PSMA1: variants seen among roughly 807,000 people sequenced by gnomAD.
PSMA1 encodes proteasome subunit alpha type-1.
PSMA1 carries 3 observed loss-of-function variants against 38.4 expected under a neutral mutation model. That is an observed-to-expected ratio of 0.08 (90% CI 0.04 to 0.20). PSMA1 has a LOEUF of 0.20. Among genes scored for constraint, PSMA1 ranks in the 10% least tolerant of loss-of-function variants. The probability of loss-of-function intolerance (pLI) is 1.00; values close to 1 mark genes in which losing one functional copy is unlikely to be tolerated. For missense variants in PSMA1, 227 were observed against 325.3 expected (o/e 0.70, Z 2.32); for synonymous variants, 101 against 107.1 (o/e 0.94, Z 0.35).
At position 14,624,359 on chromosome 11, in the gene PSMA1, G is replaced by A. The variant is rs571118441; in HGVS notation, c.-165-13208C>T. ...GGATGCTGTTGCAACTGTGGTAGAT[G>A]ACATGGGGATCTGAGCTAACTCAGA... On this transcript the variant is annotated intron_variant, in intron 1 of 10. Coordinates refer to the PSMA1 transcript ENST00000418988. Among the ~76,000 whole-genome samples the A allele has an allele frequency of 2.6e-5, 4 of 152,296 alleles. No homozygotes were observed. In the East Asian group the frequency reaches 7.7e-4, roughly 29 times the overall value.
chr11:14,575,323 A>T lies in PSMA1; in HGVS notation c.21+35643T>A, dbSNP rs557624806. On this transcript the variant is annotated intron_variant, in intron 2 of 10. Coordinates refer to the PSMA1 transcript ENST00000418988. ...TATGCACAATGTGCAGGTTTGTTAC[A>T]TATGTATACATGTGCCATGTTGGTG... Among the ~76,000 whole-genome samples the T allele has an allele frequency of 1.4e-4, 21 of 152,252 alleles. No homozygotes were observed. In the East Asian group the frequency reaches 3.7e-3, roughly 27 times the overall value.
intron 2 of PSMA1, among the ~76,000 whole-genome samples, chr11:14,577,851 TCC>T (rs2134181879): frequency 6.6e-6 from 1 of 152,300 alleles, no homozygotes; most frequent in South Asian, 2.1e-4. Flanking sequence ...AAAGTTATTA[TCC>T]CACTTAGGAG....
At chr11:14,549,868 C>T (rs1851867761) in intron 2 of PSMA1, among the ~76,000 whole-genome samples, 1 of 152,188 alleles carries the variant, frequency 6.6e-6, no homozygotes, top group African/African-American at 2.4e-5. Flanking sequence ...TTTTGCCCTG[C>T]TGCTCCAATG....
intron 2 of PSMA1, among the ~76,000 whole-genome samples, chr11:14,531,795 T>C (rs1408253281): frequency 6.6e-6 from 1 of 152,184 alleles, no homozygotes; most frequent in East Asian, 1.9e-4. Context: ...TATTCTATGG[T>C]ACTTTAATCT....
intron 2 of PSMA1, among the ~76,000 whole-genome samples, chr11:14,532,225 TA>T (rs1851655047): frequency 6.6e-6 from 1 of 152,214 alleles, no homozygotes. Flanking sequence ...CTAAGTTTAT[TA>T]TCTATGCCCT....
chr11:14,511,236 G>C (rs1851337486), intron 7 of PSMA1, among the ~76,000 whole-genome samples: 1 of 152,114 alleles, frequency 6.6e-6, no homozygotes, highest in South Asian at 2.1e-4. Context: ...ACAACTCCAA[G>C]TTTTGTAGAA....
chr11:14,594,465 T>G (rs1490204300), intron 2 of PSMA1, among the ~76,000 whole-genome samples: 1 of 152,172 alleles, frequency 6.6e-6, no homozygotes, highest in African/African-American at 2.4e-5. Context: ...GACCAAGACA[T>G]GTAGGTTCCC....
chr11:14,548,493 T>C (rs951939266), intron 2 of PSMA1, among the ~76,000 whole-genome samples: 2 of 152,208 alleles, frequency 1.3e-5, no homozygotes, highest in Admixed American at 6.5e-5. Context: ...GATACAGTAG[T>C]GTCTATATGT....
At chr11:14,617,711 G>GTA (rs541563512) in intron 1 of PSMA1, among the ~76,000 whole-genome samples, 1,534 of 150,918 alleles carry the variant, frequency 0.01, 9 homozygotes, top group Middle Eastern at 0.024. Flanking sequence ...GTGTGTGTGT[G>GTA]TGTGTGTGTG....
intron 2 of PSMA1, among the ~76,000 whole-genome samples, chr11:14,546,537 A>G (rs1316830919): frequency 2.0e-5 from 3 of 152,052 alleles, no homozygotes; most frequent in African/African-American, 7.2e-5. Flanking sequence ...TCTCGGGTTC[A>G]AGCAATTCTC....
chr11:14,526,841 C>T lies in PSMA1; in HGVS notation c.22-7800G>A, dbSNP rs113685591. On this transcript the variant is annotated intron_variant, in intron 2 of 10. Coordinates refer to the PSMA1 transcript ENST00000418988. ...TGATGGCAGTTCCACCAGGCCTAATCGCCACTCACCAGCAAAGGCAGGCTA... is the reference window on the plus strand; with the variant it reads ...TGATGGCAGTTCCACCAGGCCTAATTGCCACTCACCAGCAAAGGCAGGCTA... 3.6e-3 allele frequency among the ~76,000 whole-genome samples: 549 copies of T among 152,230 alleles called. 7 individuals are homozygous for T. Among genetic ancestry groups the T allele is most frequent in the African/African-American group, 0.013 (532 of 41,526 alleles).
chr11:14,553,404 G>A (rs896672762), intron 2 of PSMA1, among the ~76,000 whole-genome samples: 3 of 152,122 alleles, frequency 2.0e-5, no homozygotes, highest in African/African-American at 7.2e-5. Context: ...TGTAACAACA[G>A]TAAAAGTCAA....
chr11:14,556,727 T>A (rs909059759), intron 2 of PSMA1, among the ~76,000 whole-genome samples: 38 of 152,366 alleles, frequency 2.5e-4, no homozygotes, highest in African/African-American at 8.4e-4. Flanking sequence ...AGTTTTTCTA[T>A]AGGGTGTGAA....
At chr11:14,526,317 C>T (rs1851584943) in intron 2 of PSMA1, among the ~76,000 whole-genome samples, 1 of 152,178 alleles carries the variant, frequency 6.6e-6, no homozygotes, top group South Asian at 2.1e-4. Context: ...ACTGCCCCCA[C>T]ACTAGCTCTC....
chr11:14,515,627 C>T (rs1394416983), intron 4 of PSMA1, among the ~76,000 whole-genome samples: 1 of 151,262 alleles, frequency 6.6e-6, no homozygotes, highest in Non-Finnish European at 1.5e-5. Context: ...GATCTCAGCT[C>T]ACTGCAACCT....
intron 1 of PSMA1, among the ~76,000 whole-genome samples, chr11:14,633,808 C>G (rs1853070913): frequency 6.6e-6 from 1 of 152,166 alleles, no homozygotes; most frequent in Non-Finnish European, 1.5e-5. Context: ...GGCATAGGAC[C>G]CTCCGAGCCA....
intron 4 of PSMA1, among the ~76,000 whole-genome samples, chr11:14,514,744 CAGAGA>C (rs1285275808): frequency 2.0e-5 from 3 of 152,142 alleles, no homozygotes; most frequent in African/African-American, 2.4e-5. Flanking sequence ...ACTTATGGAA[CAGAGA>C]AGAGAAGGCT....
chr11:14,610,826 C>A, intron 2 of PSMA1: 1 of 785,406 alleles, frequency 1.3e-6, no homozygotes, highest in East Asian at 2.9e-5. Context: ...AGACATTTTT[C>A]TTTTTTTCTC....
chr11:14,576,842 T>C (rs1207736598), intron 2 of PSMA1, among the ~76,000 whole-genome samples: 6 of 152,210 alleles, frequency 3.9e-5, no homozygotes, highest in Non-Finnish European at 7.3e-5. Context: ...TTGATGGGGA[T>C]GGCATTGAAT....
Sources: allele counts gnomAD v4.1 joint callset (sites outside exome capture counted in the v4.1 genomes callset), GRCh38; gene constraint gnomAD v4.1.1; transcripts MANE v1.5; gene names NCBI Gene and HGNC (gene_info 2026-07-23, HGNC 2026-07-21).